Variants in C12orf56 observed in about 807,000 individuals in gnomAD.
C12orf56 encodes the protein chromosome 12 open reading frame 56.
C12orf56 carries 71 observed loss-of-function variants against 69.9 expected under a neutral mutation model. The observed-to-expected ratio is 1.02, with a 90% CI of 0.84 to 1.24. C12orf56 has a LOEUF of 1.24. Ranked by LOEUF, C12orf56 falls within the 50% of genes most tolerant of loss-of-function variation. C12orf56 has a pLI of 0.00. For synonymous variants in C12orf56, 276 were observed against 274.1 expected (o/e 1.01, Z -0.07); for missense variants, 732 against 738.5 (o/e 0.99, Z 0.10).
chr12:64,280,518 T>C (rs540079439), intron 8 of C12orf56, among the ~76,000 whole-genome samples: 1 of 152,314 alleles, frequency 6.6e-6, no homozygotes, highest in African/African-American at 2.4e-5. Flanking sequence ...ATCAAATTCC[T>C]TCCCCTTAAG....
intron 1 of C12orf56, among the ~76,000 whole-genome samples, chr12:64,364,903 C>A (rs777138529): frequency 1.3e-5 from 2 of 152,038 alleles, no homozygotes; most frequent in Non-Finnish European, 2.9e-5. Context: ...TTTGTCCTAC[C>A]CCAGGCCTAG....
chr12:64,383,363 CCTGA>C (rs2039746410), intron 1 of C12orf56, among the ~76,000 whole-genome samples: 2 of 151,166 alleles, frequency 1.3e-5, no homozygotes, highest in African/African-American at 4.8e-5. Flanking sequence ...ATTGGATTTT[CCTGA>C]TTACAAATGA....
intron 1 of C12orf56, among the ~76,000 whole-genome samples, chr12:64,357,899 C>G (rs2039341381): frequency 7.0e-6 from 1 of 143,410 alleles, no homozygotes; most frequent in Admixed American, 6.9e-5. Flanking sequence ...GACTCCATCT[C>G]AAAAAAAAAG....
chr12:64,303,656 A>G lies in C12orf56; in HGVS notation c.1092T>C (p.Ile364=). 1 of 1,561,504 alleles carries G rather than the reference A, an allele frequency of 6.4e-7. No individual in the cohort carries two copies. Among genetic ancestry groups the G allele is most frequent in the Non-Finnish European group, 8.7e-7 (1 of 1,155,668 alleles). ...TTACCTTCCAGAAAAGCCTTTTCAGAATGAAGTTTTTCTGGGCTGCTACTT... is the reference window on the plus strand; with the variant it reads ...TTACCTTCCAGAAAAGCCTTTTCAGGATGAAGTTTTTCTGGGCTGCTACTT... ...ELKVAAQKNF[I]LKRLFWKTSD... is the part of the protein sequence containing the mutation. Residue 364 remains isoleucine, a synonymous_variant, in exon 6 of 13, where the codon ATT becomes ATC. Transcript: ENST00000543942.
intron 1 of C12orf56, among the ~76,000 whole-genome samples, chr12:64,385,952 A>G (rs977377377): frequency 2.0e-5 from 3 of 152,120 alleles, no homozygotes; most frequent in African/African-American, 7.2e-5. Context: ...ATTTGAGGAC[A>G]GGAGTTTGAG....
intron 3 of C12orf56, among the ~76,000 whole-genome samples, chr12:64,323,607 A>T: frequency 7.7e-6 from 1 of 130,336 alleles, no homozygotes; most frequent in East Asian, 2.2e-4. Flanking sequence ...TCTGTCACCC[A>T]GGCTGGAATG....
intron 1 of C12orf56, among the ~76,000 whole-genome samples, chr12:64,376,114 C>T (rs1419246316): frequency 6.6e-6 from 1 of 152,152 alleles, no homozygotes; most frequent in Non-Finnish European, 1.5e-5. Context: ...AGGAAAGGCC[C>T]AATTCTTTTC....
At chr12:64,375,107 G>A (rs934288546) in intron 1 of C12orf56, among the ~76,000 whole-genome samples, 1 of 151,490 alleles carries the variant, frequency 6.6e-6, no homozygotes, top group African/African-American at 2.4e-5. Context: ...TCTCACTCTG[G>A]AGTACAGTGG....
At chr12:64,343,252 T>C (rs1254246553) in intron 2 of C12orf56, among the ~76,000 whole-genome samples, 1 of 152,196 alleles carries the variant, frequency 6.6e-6, no homozygotes, top group Non-Finnish European at 1.5e-5. Flanking sequence ...ATTTTTTTCC[T>C]ATCCTCTAGC....
chr12:64,327,061 A>G (rs1469304584), intron 3 of C12orf56, among the ~76,000 whole-genome samples: 1 of 152,266 alleles, frequency 6.6e-6, no homozygotes, highest in African/African-American at 2.4e-5. Context: ...TTGCATGCCC[A>G]GTGCTCTTGC....
intron 3 of C12orf56, among the ~76,000 whole-genome samples, chr12:64,330,737 T>C (rs1050323659): frequency 3.3e-5 from 5 of 152,174 alleles, no homozygotes; most frequent in African/African-American, 1.2e-4. Context: ...TTGTGACATC[T>C]ATATGTTCAG....
At position 64,368,766 on chromosome 12, in the gene C12orf56, C is replaced by T. The variant is rs192972485; in HGVS notation, c.253-15710G>A. ...AATGGTGGGGAAAACTATAAACTAG[C>T]AGTCAGGAAATCTGATTTCTAGTGT... is the stretch of plus-strand genomic sequence containing the variant. On this transcript the variant is annotated intron_variant, in intron 1 of 12. Transcript: ENST00000543942. 2.4e-3 allele frequency among the ~76,000 whole-genome samples: 362 copies of T among 152,246 alleles called. 2 individuals are homozygous for T. The highest frequency in any genetic ancestry group is 8.0e-3 in the African/African-American group (333 of 41,548).
intron 1 of C12orf56, among the ~76,000 whole-genome samples, chr12:64,380,406 ATTC>A (rs1003104875): frequency 1.3e-5 from 2 of 152,170 alleles, no homozygotes; most frequent in African/African-American, 4.8e-5. Flanking sequence ...TAACTCATTC[ATTC>A]TTCTAATCAG....
rs138999476 is a variant in C12orf56, at chr12:64,377,484, T to C, written c.252+12830A>G. Among the ~76,000 whole-genome samples, 1,099 of 152,324 alleles carry C rather than the reference T, an allele frequency of 7.2e-3. 20 individuals are homozygous for C. Among genetic ancestry groups the C allele is most frequent in the African/African-American group, 0.024 (1,006 of 41,572 alleles). ...GATTACAGGCGTGAGCCACTGCACCTGGCCTCTTGGCCCACTTTTTAATAT... is the reference window on the plus strand; with the variant it reads ...GATTACAGGCGTGAGCCACTGCACCCGGCCTCTTGGCCCACTTTTTAATAT... On this transcript the variant is annotated intron_variant, in intron 1 of 12. Transcript: ENST00000543942.
intron 1 of C12orf56, among the ~76,000 whole-genome samples, chr12:64,365,238 C>T (rs1324344614): frequency 6.7e-6 from 1 of 149,596 alleles, no homozygotes; most frequent in Non-Finnish European, 1.5e-5. Context: ...GATCTCGGCT[C>T]ACTGCAACCT....
At chr12:64,299,495 AGCTTCATTTTTAGACATT>A (rs2038415750) in intron 6 of C12orf56, among the ~76,000 whole-genome samples, 1 of 152,204 alleles carries the variant, frequency 6.6e-6, no homozygotes, top group Non-Finnish European at 1.5e-5. Context: ...AGATCATGAA[AGCTTCATTTTTAGACATT>A]GGATTAGGTT....
At chr12:64,305,082 C>T (rs2136808293) in intron 5 of C12orf56, among the ~76,000 whole-genome samples, 1 of 152,188 alleles carries the variant, frequency 6.6e-6, no homozygotes, top group Middle Eastern at 3.4e-3. Flanking sequence ...AGATGTTCTC[C>T]TTTGTCCAAT....
At chr12:64,298,606 C>G (rs1402909571) in intron 6 of C12orf56, among the ~76,000 whole-genome samples, 1 of 152,068 alleles carries the variant, frequency 6.6e-6, no homozygotes, top group Non-Finnish European at 1.5e-5. Context: ...TATGGCTAGC[C>G]AGTTTTCCCA....
chr12:64,365,435 G>T (rs980959137), intron 1 of C12orf56, among the ~76,000 whole-genome samples: 9 of 151,468 alleles, frequency 5.9e-5, no homozygotes, highest in African/African-American at 2.2e-4. Flanking sequence ...AAAGTACTGG[G>T]ATTACAGGGA....
Sources: gnomAD v4.1 joint callset for allele counts (sites outside exome capture counted in the v4.1 genomes callset) on GRCh38, gnomAD v4.1.1 for gene constraint, MANE v1.5 for transcripts, NCBI Gene and HGNC (gene_info 2026-07-23, HGNC 2026-07-21) for gene names.